Variants in CACNA1B observed in about 807,000 individuals in gnomAD.
CACNA1B encodes calcium voltage-gated channel subunit alpha1 B, also known as voltage-dependent N-type calcium channel subunit alpha-1B.
A neutral mutation model predicts 247.2 loss-of-function variants in CACNA1B; 70 were observed. The ratio of observed to expected loss-of-function variants is 0.28; its 90% CI spans 0.23 to 0.35. CACNA1B has a LOEUF of 0.35. Among genes scored for constraint, CACNA1B ranks in the 10% least tolerant of loss-of-function variants. The pLI is 1.00. For missense variants in CACNA1B, 2,367 were observed against 3,197.4 expected, an observed-to-expected ratio of 0.74 and a Z score of 6.26; for synonymous variants, 1,231 against 1,294.4, an observed-to-expected ratio of 0.95 and a Z score of 1.05.
rs116675474 is a variant in CACNA1B, at chr9:138,074,846, C to T, written c.4857+780C>T. Among the ~76,000 whole-genome samples the T allele has an allele frequency of 4.2e-3, 639 of 152,356 alleles. 3 individuals carry two copies. Among genetic ancestry groups the T allele is most frequent in the African/African-American group, 0.014 (564 of 41,582 alleles). On this transcript the variant is annotated intron_variant, in intron 34 of 46. Coordinates refer to ENST00000371372, the MANE Select transcript of CACNA1B (RefSeq NM_000718.4). ...TCGGTTATCCTGTTAGTCTGGCAGCCGCGCTGAAGGACAGGCCTGACCCGC... is the reference window on the plus strand; with the variant it reads ...TCGGTTATCCTGTTAGTCTGGCAGCTGCGCTGAAGGACAGGCCTGACCCGC...
chr9:138,106,145 A>T (rs1961417475), intron 39 of CACNA1B, among the ~76,000 whole-genome samples: 1 of 152,154 alleles, frequency 6.6e-6, no homozygotes, highest in South Asian at 2.1e-4. Flanking sequence ...CCTGGGGACG[A>T]GCCTGCATGC....
At chr9:137,949,503 G>A (rs1957854192) in intron 6 of CACNA1B, among the ~76,000 whole-genome samples, 1 of 148,156 alleles carries the variant, frequency 6.7e-6, no homozygotes, top group South Asian at 2.2e-4. Flanking sequence ...TGGTGCATGT[G>A]TGTGATGTGT....
intron 36 of CACNA1B, among the ~76,000 whole-genome samples, chr9:138,085,221 A>G (rs549708335): frequency 6.6e-6 from 1 of 150,946 alleles, no homozygotes; most frequent in Admixed American, 6.6e-5. Context: ...GACAAATTGA[A>G]TGAATGAAAT....
chr9:138,069,367 AAAAT>A (rs1477818398), intron 31 of CACNA1B, among the ~76,000 whole-genome samples: 2 of 152,214 alleles, frequency 1.3e-5, no homozygotes, highest in Non-Finnish European at 2.9e-5. Context: ...CCTGGAAATA[AAAAT>A]AAATAAATAA....
At chr9:138,068,836 C>T (rs1960022357) in intron 31 of CACNA1B, among the ~76,000 whole-genome samples, 1 of 152,204 alleles carries the variant, frequency 6.6e-6, no homozygotes, top group Non-Finnish European at 1.5e-5. Flanking sequence ...CCTCCCCACA[C>T]CCCAAAGAGG....
At chr9:137,967,690 A>C (rs1316471556) in intron 10 of CACNA1B, among the ~76,000 whole-genome samples, 1 of 149,520 alleles carries the variant, frequency 6.7e-6, no homozygotes, top group African/African-American at 2.5e-5. Flanking sequence ...TGCCCACTGC[A>C]AGTGTCTCTC....
At chr9:137,896,571 A>G (rs1348950680) in intron 3 of CACNA1B, among the ~76,000 whole-genome samples, 1 of 152,124 alleles carries the variant, frequency 6.6e-6, no homozygotes, top group Non-Finnish European at 1.5e-5. Context: ...CATGAAGGCT[A>G]TTGGTCTGTA....
In CACNA1B at chr9:138,121,927, C is replaced by T. The variant is rs201541715; in HGVS notation, c.6948C>T (p.Cys2316=). 16 of 1,609,676 alleles carry T rather than the reference C, an allele frequency of 9.9e-6. No homozygotes were observed. The highest frequency in any genetic ancestry group is 1.7e-5 in the Admixed American group (1 of 60,012). The change falls in exon 47 of 47, where the codon TGC becomes TGT. Residue 2316 remains cysteine, a synonymous_variant. Coordinates refer to ENST00000371372, the MANE Select transcript of CACNA1B (RefSeq NM_000718.4). The surrounding 1 kb of genome is among the most constrained non-coding windows in gnomAD (Gnocchi z 6.8). ...GCCGCGTGCCCAACGGTTACCACTG[C>T]ACCCTGGGACTCAGCTCGGGTGGCC... The part of the protein sequence containing the change: ...PLRRVPNGYH[C]TLGLSSGGRA...
chr9:137,956,899 GC>G, intron 9 of CACNA1B, 72 bp downstream of exon 9: 1 of 1,269,832 alleles, frequency 7.9e-7, no homozygotes. Context: ...ACACGTGCCT[GC>G]TTGCATGTTT....
intron 31 of CACNA1B, among the ~76,000 whole-genome samples, chr9:138,060,908 A>C (rs1959698793): frequency 6.6e-6 from 1 of 151,842 alleles, no homozygotes; most frequent in Non-Finnish European, 1.5e-5. Flanking sequence ...GATGTTCATC[A>C]TCCCGTCCCC....
intron 6 of CACNA1B, among the ~76,000 whole-genome samples, chr9:137,928,178 A>G (rs1429842861): frequency 1.3e-5 from 2 of 152,020 alleles, no homozygotes; most frequent in African/African-American, 4.8e-5. Flanking sequence ...GCTCACTGCA[A>G]TCTCCGCCTC....
intron 6 of CACNA1B, among the ~76,000 whole-genome samples, chr9:137,924,558 T>C (rs1957529581): frequency 6.6e-6 from 1 of 152,226 alleles, no homozygotes; most frequent in South Asian, 2.1e-4. Flanking sequence ...TTGCTTATTG[T>C]AGTTACCTAT....
At chr9:137,994,816 C>G (rs1297024523) in intron 15 of CACNA1B, among the ~76,000 whole-genome samples, 1 of 152,132 alleles carries the variant, frequency 6.6e-6, no homozygotes, top group African/African-American at 2.4e-5. Context: ...AATGCAATTC[C>G]CATCAAAATA....
In CACNA1B at chr9:137,919,046, G is replaced by C. The variant is rs1235332316; in HGVS notation, c.966+1615G>C. Among the ~76,000 whole-genome samples the C allele has an allele frequency of 6.6e-6, 1 of 152,230 alleles. No individual in the cohort carries two copies. The highest frequency in any genetic ancestry group is 2.4e-5 in the African/African-American group (1 of 41,468). On this transcript the variant is annotated intron_variant, in intron 6 of 46. Coordinates refer to ENST00000371372, the MANE Select transcript of CACNA1B (RefSeq NM_000718.4). This position sits in a 1 kb window ranked among gnomAD's most constrained non-coding sequence, Gnocchi z 4.6. ...ACCCAAATGAAGGACTGTGTGACCA[G>C]GTCTCCACAGCCCTCAGTGTCCACT...
At chr9:137,989,005 T>C (rs1958400721) in intron 15 of CACNA1B, among the ~76,000 whole-genome samples, 1 of 152,186 alleles carries the variant, frequency 6.6e-6, no homozygotes, top group African/African-American at 2.4e-5. Flanking sequence ...CAGCTTCAGC[T>C]GTGCTCATGG....
intron 37 of CACNA1B, among the ~76,000 whole-genome samples, chr9:138,101,486 C>T (rs574721154): frequency 3.3e-5 from 5 of 152,352 alleles, no homozygotes; most frequent in African/African-American, 9.6e-5. Context: ...AGGAAGCAGC[C>T]GACTTGCCCG....
Position 138,004,075 on chromosome 9 carries a change from G to A in CACNA1B, c.1975-2692G>A, listed in dbSNP as rs866415839. ...CATTTTGGAAACATCTAGTGAAGTC[G>A]GCGAAGGTGTGCATAGCCTACATAC... On this transcript the variant is annotated intron_variant, in intron 15 of 46. Coordinates refer to ENST00000371372, the MANE Select transcript of CACNA1B (RefSeq NM_000718.4). Among the ~76,000 whole-genome samples, 12 of 152,072 alleles carry A rather than the reference G, an allele frequency of 7.9e-5. No homozygotes were observed. In the South Asian group the frequency reaches 2.3e-3, roughly 29 times the overall value.
rs1229480382 is a variant in CACNA1B at position 137,954,438 on chromosome 9, G to C, written c.1071-1260G>C. Among the ~76,000 whole-genome samples, 2 of 152,234 alleles carry C rather than the reference G, an allele frequency of 1.3e-5. No homozygotes were observed. ...TCACCCAGCGAGGACAGAAGCTCAG[G>C]GAGGGCTGGCCCTGCTGCCGGCCAC... is the stretch of plus-strand genomic sequence containing the variant. On this transcript the variant is annotated intron_variant, in intron 7 of 46. Transcript: ENST00000371372. The surrounding 1 kb of genome is among the most constrained non-coding windows in gnomAD (Gnocchi z 4.1).
At chr9:138,109,227 A>G (rs982449017) in intron 39 of CACNA1B, among the ~76,000 whole-genome samples, 8 of 152,348 alleles carry the variant, frequency 5.3e-5, no homozygotes, top group African/African-American at 1.9e-4. Flanking sequence ...TTGGAAAGGC[A>G]ATTAATGGAG....
Sources: gnomAD v4.1 joint callset for allele counts (sites outside exome capture counted in the v4.1 genomes callset) on GRCh38, gnomAD v4.1.1 for gene constraint, Gnocchi (gnomAD v3.1) non-coding constraint, MANE v1.5 for transcripts, NCBI Gene and HGNC (gene_info 2026-07-23, HGNC 2026-07-21) for gene names.